The following ACOXL variants were observed in gnomAD, a reference collection of about 807,000 sequenced individuals.
ACOXL encodes acyl-CoA oxidase like.
Under a neutral mutation model 71.9 loss-of-function variants are expected in ACOXL, and 70 were observed. That is an observed-to-expected ratio of 0.97 (90% CI 0.80 to 1.19). The LOEUF is 1.19. ACOXL is among the 50% of genes most tolerant of loss of function. ACOXL has a pLI of 0.00. For missense variants in ACOXL, 703 were observed against 736.3 expected (o/e 0.95, Z 0.52); for synonymous variants, 253 against 281.6 (o/e 0.90, Z 1.02).
chr2:110,753,629 C>A (rs1679293330), intron 1 of ACOXL, among the ~76,000 whole-genome samples: 1 of 152,188 alleles, frequency 6.6e-6, no homozygotes, highest in South Asian at 2.1e-4. Context: ...TTGATGGACA[C>A]CAGGGCTGTT....
chr2:110,771,112 C>A (rs912040669), intron 2 of ACOXL, among the ~76,000 whole-genome samples: 9 of 152,244 alleles, frequency 5.9e-5, no homozygotes, highest in Admixed American at 4.6e-4. Context: ...ATTATCTCGG[C>A]CTGTTTGGCA....
At chr2:111,005,511 T>C (rs2063832297) in intron 14 of ACOXL, among the ~76,000 whole-genome samples, 1 of 152,260 alleles carries the variant, frequency 6.6e-6, no homozygotes, top group South Asian at 2.1e-4. Flanking sequence ...GCAACCTGAC[T>C]ACTCTTGTGT....
At chr2:110,783,670 GAC>G (rs557990186) in intron 2 of ACOXL, among the ~76,000 whole-genome samples, 54 of 152,144 alleles carry the variant, frequency 3.5e-4, no homozygotes, top group Admixed American at 2.6e-3. Flanking sequence ...CGCACATATA[GAC>G]ACACACATGC....
chr2:110,936,736 A>G (rs1574194735), intron 12 of ACOXL, among the ~76,000 whole-genome samples: 1 of 152,238 alleles, frequency 6.6e-6, no homozygotes, highest in African/African-American at 2.4e-5. Flanking sequence ...GCTGAGGTCC[A>G]GAAGGGTTCT....
chr2:110,807,570 G>T (rs1447485662), intron 9 of ACOXL, among the ~76,000 whole-genome samples: 1 of 152,150 alleles, frequency 6.6e-6, no homozygotes, highest in Non-Finnish European at 1.5e-5. Flanking sequence ...ACAGTAACCC[G>T]GAGTTAGCAC....
chr2:110,919,851 G>A (rs757268236), intron 11 of ACOXL, among the ~76,000 whole-genome samples: 4 of 152,140 alleles, frequency 2.6e-5, no homozygotes, highest in South Asian at 2.1e-4. Flanking sequence ...TTAACAAAAT[G>A]AATTTCAGAT....
chr2:110,850,837 A>G (rs908371958), intron 10 of ACOXL, among the ~76,000 whole-genome samples: 27 of 152,204 alleles, frequency 1.8e-4, no homozygotes, highest in African/African-American at 6.5e-4. Flanking sequence ...AGAGAAATGA[A>G]AACGTTAGTG....
At chr2:110,918,615 C>G (rs962030074) in intron 11 of ACOXL, among the ~76,000 whole-genome samples, 3 of 152,096 alleles carry the variant, frequency 2.0e-5, no homozygotes, top group African/African-American at 7.2e-5. Context: ...AGTGAACAGG[C>G]AACCTATATA....
intron 10 of ACOXL, among the ~76,000 whole-genome samples, chr2:110,853,913 GT>G (rs35717647): frequency 0.65 from 92,399 of 142,216 alleles, 29,546 homozygotes; most frequent in South Asian, 0.73. Context: ...TAGGACACTT[GT>G]TTTTTTTTTT....
chr2:111,047,271 C>G (rs1367410466), intron 15 of ACOXL, among the ~76,000 whole-genome samples: 2 of 152,258 alleles, frequency 1.3e-5, no homozygotes, highest in East Asian at 1.9e-4. Flanking sequence ...GAGTCCAGTG[C>G]ACAGGCAGTG....
chr2:111,074,437 A>C (rs2067497051), intron 16 of ACOXL, among the ~76,000 whole-genome samples: 1 of 152,046 alleles, frequency 6.6e-6, no homozygotes, highest in African/African-American at 2.4e-5. Flanking sequence ...AATTGTCCTT[A>C]ATCAGGATAA....
At chr2:110,748,229 G>A (rs1008719463) in intron 1 of ACOXL, among the ~76,000 whole-genome samples, 2 of 152,112 alleles carry the variant, frequency 1.3e-5, no homozygotes, top group African/African-American at 4.8e-5. Context: ...CCTACTTAGC[G>A]TGGTGCAGGT....
At position 110,750,694 on chromosome 2, in the gene ACOXL, T is replaced by C. The variant is rs192976719; in HGVS notation, c.-22-17674T>C. On this transcript the variant is annotated intron_variant, in intron 1 of 17. Transcript: ENST00000439055. The stretch of plus-strand genomic sequence containing the variant: ...ATGGGTGTGTGTGTGTATATATATA[T>C]ATATGTATAATTTTTTTTTTGAGAC... Among the ~76,000 whole-genome samples, 194 of 150,578 alleles carry C rather than the reference T, an allele frequency of 1.3e-3. 2 individuals are homozygous for C. Among genetic ancestry groups the C allele is most frequent in the African/African-American group, 4.1e-3 (170 of 41,242 alleles).
chr2:110,747,683 A>T (rs796842461), intron 1 of ACOXL, among the ~76,000 whole-genome samples: 2 of 152,324 alleles, frequency 1.3e-5, no homozygotes, highest in African/African-American at 4.8e-5. Context: ...GAATCCTGGC[A>T]GGGGAGGAAG....
chr2:110,799,537 G>T (rs1426829489), intron 7 of ACOXL, among the ~76,000 whole-genome samples: 1 of 152,182 alleles, frequency 6.6e-6, no homozygotes, highest in Non-Finnish European at 1.5e-5. Context: ...ACCGCTAACT[G>T]TGGGGCTTAA....
At chr2:111,019,048 G>A (rs1461808346) in intron 14 of ACOXL, among the ~76,000 whole-genome samples, 1 of 152,174 alleles carries the variant, frequency 6.6e-6, no homozygotes, top group Non-Finnish European at 1.5e-5. Context: ...CATATTAAAT[G>A]TACATTTTTC....
chr2:110,817,390 A>T (rs1332229149), intron 9 of ACOXL, among the ~76,000 whole-genome samples: 1 of 151,760 alleles, frequency 6.6e-6, no homozygotes, highest in Non-Finnish European at 1.5e-5. Context: ...TTGAGGAATG[A>T]CTTGAGGATT....
At chr2:110,802,646 T>C (rs1353036389) in intron 8 of ACOXL, among the ~76,000 whole-genome samples, 2 of 152,074 alleles carry the variant, frequency 1.3e-5, no homozygotes, top group Middle Eastern at 3.2e-3. Flanking sequence ...CTTGTACTTG[T>C]ACCCCTGAAC....
At chr2:110,878,997 C>T (rs377506768) in intron 10 of ACOXL, among the ~76,000 whole-genome samples, 11 of 145,466 alleles carry the variant, frequency 7.6e-5, no homozygotes, top group East Asian at 2.1e-4. Flanking sequence ...GCGGAGGTTG[C>T]GGTGAGCTGA....
Sources: gnomAD v4.1 joint callset for allele counts (sites outside exome capture counted in the v4.1 genomes callset) on GRCh38, gnomAD v4.1.1 for gene constraint, MANE v1.5 for transcripts, NCBI Gene and HGNC (gene_info 2026-07-23, HGNC 2026-07-21) for gene names.